Variants in FYN observed in about 807,000 individuals in gnomAD.
FYN encodes the protein tyrosine-protein kinase Fyn.
FYN carries 10 observed loss-of-function variants against 70.2 expected under a neutral mutation model. The observed-to-expected ratio is 0.14, with a 90% confidence interval of 0.09 to 0.24. The LOEUF is 0.24. FYN is among the 10% of genes least tolerant of loss of function. FYN has a pLI of 1.00. For missense variants in FYN, 319 were observed against 673.1 expected (o/e 0.47, Z 5.82); for synonymous variants, 236 against 248.6 (o/e 0.95, Z 0.48).
chr6:111,786,579 C>T (rs1267247976), intron 2 of FYN, among the ~76,000 whole-genome samples: 2 of 152,174 alleles, frequency 1.3e-5, no homozygotes, highest in East Asian at 3.9e-4. Context: ...AGTATATACC[C>T]AGTAATGGGA....
chr6:111,815,417 T>C (rs559291621), intron 2 of FYN, among the ~76,000 whole-genome samples: 48 of 152,116 alleles, frequency 3.2e-4, no homozygotes, highest in African/African-American at 1.2e-3. Flanking sequence ...TCAATTATAC[T>C]TAATTTTCAT....
intron 3 of FYN, among the ~76,000 whole-genome samples, chr6:111,755,337 C>T (rs1283711705): frequency 1.3e-5 from 2 of 151,988 alleles, no homozygotes; most frequent in Non-Finnish European, 2.9e-5. Context: ...CTGGATAATG[C>T]CAATGGAAAG....
At chr6:111,852,816 A>T (rs946156973) in intron 1 of FYN, among the ~76,000 whole-genome samples, 2 of 152,190 alleles carry the variant, frequency 1.3e-5, no homozygotes, top group Non-Finnish European at 2.9e-5. Context: ...TTTTTAGCCT[A>T]CTTCTATCAC....
chr6:111,732,477 G>A (rs1013744144), intron 3 of FYN, among the ~76,000 whole-genome samples: 15 of 152,184 alleles, frequency 9.9e-5, no homozygotes, highest in South Asian at 2.1e-4. Flanking sequence ...GAAAGTAAGC[G>A]AGCGGTGGAG....
chr6:111,731,849 G>GC (rs1436834718), intron 3 of FYN, among the ~76,000 whole-genome samples: 1 of 152,194 alleles, frequency 6.6e-6, no homozygotes, highest in African/African-American at 2.4e-5. Context: ...CTCACCCTGG[G>GC]TGAGCCCAGG....
intron 1 of FYN, among the ~76,000 whole-genome samples, chr6:111,854,058 C>T (rs1363499181): frequency 6.6e-6 from 1 of 152,170 alleles, no homozygotes; most frequent in Non-Finnish European, 1.5e-5. Flanking sequence ...GTTGTCGCAG[C>T]AGACAGTCAG....
chr6:111,797,283 T>A (rs1771835795), intron 2 of FYN, among the ~76,000 whole-genome samples: 1 of 152,142 alleles, frequency 6.6e-6, no homozygotes, highest in South Asian at 2.1e-4. Flanking sequence ...GACAAAAAAT[T>A]AGGCTGAGTG....
chr6:111,739,722 T>G (rs1057233875), intron 3 of FYN, among the ~76,000 whole-genome samples: 1 of 152,218 alleles, frequency 6.6e-6, no homozygotes, highest in Non-Finnish European at 1.5e-5. Flanking sequence ...GGTTTCTATT[T>G]TGAGTAGGTG....
chr6:111,697,200 C>T (rs915713016), intron 9 of FYN, among the ~76,000 whole-genome samples: 2 of 152,144 alleles, frequency 1.3e-5, no homozygotes, highest in African/African-American at 4.8e-5. Flanking sequence ...AATCTGAAGG[C>T]AAGGCCTGGA....
intron 2 of FYN, among the ~76,000 whole-genome samples, chr6:111,842,164 A>G (rs1213221766): frequency 1.3e-5 from 2 of 152,194 alleles, no homozygotes. Flanking sequence ...CCTGATCACC[A>G]GCAGAATGGG....
At chr6:111,776,404 T>C (rs1770941277) in intron 3 of FYN, among the ~76,000 whole-genome samples, 2 of 152,324 alleles carry the variant, frequency 1.3e-5, no homozygotes, top group South Asian at 4.1e-4. Context: ...TCAGTGTTGC[T>C]GAATGCCTCC....
At chr6:111,742,468 T>C (rs189488020) in intron 3 of FYN, among the ~76,000 whole-genome samples, 45 of 152,318 alleles carry the variant, frequency 3.0e-4, no homozygotes, top group Admixed American at 2.2e-3. Context: ...GTTTATTCAT[T>C]AACATGATAT....
chr6:111,823,661 ACTCGCAGG>A (rs1032700271), intron 2 of FYN, among the ~76,000 whole-genome samples: 1 of 152,036 alleles, frequency 6.6e-6, no homozygotes, highest in African/African-American at 2.4e-5. Context: ...GATTCTACAC[ACTCGCAGG>A]CTCTGCTAAT....
chr6:111,777,857 G>C (rs921375322), intron 3 of FYN, among the ~76,000 whole-genome samples: 1 of 152,184 alleles, frequency 6.6e-6, no homozygotes, highest in Non-Finnish European at 1.5e-5. Context: ...TCAGACTGAG[G>C]GTGCCAGGAC....
chr6:111,703,813 T>C (rs1799948640), intron 7 of FYN, among the ~76,000 whole-genome samples, 186 bp downstream of exon 7: 1 of 152,180 alleles, frequency 6.6e-6, no homozygotes, highest in African/African-American at 2.4e-5. Context: ...GGGGCCTCTG[T>C]AGTTCTTTTG....
At chr6:111,693,947 T>G (rs985466156) in intron 12 of FYN, among the ~76,000 whole-genome samples, 16 of 152,224 alleles carry the variant, frequency 1.1e-4, no homozygotes, top group African/African-American at 3.9e-4. Context: ...GCCTTAGTTC[T>G]GTTGCTGTTA....
At chr6:111,682,079 G>A (rs1014869862) in intron 12 of FYN, among the ~76,000 whole-genome samples, 1 of 152,166 alleles carries the variant, frequency 6.6e-6, no homozygotes, top group Non-Finnish European at 1.5e-5. Flanking sequence ...CTTGCCTAAG[G>A]CTGGTTAAAC....
chr6:111,826,118 G>C (rs1408703899), intron 2 of FYN, among the ~76,000 whole-genome samples: 2 of 152,146 alleles, frequency 1.3e-5, no homozygotes, highest in African/African-American at 4.8e-5. Context: ...GAGGAGTGAA[G>C]ACGCCAGAGG....
chr6:111,674,667 G>A, intron 12 of FYN, 37 bp from the exon 13 acceptor site: 3 of 1,605,172 alleles, frequency 1.9e-6, no homozygotes, highest in Non-Finnish European at 2.6e-6. Context: ...TCAGGCAGAG[G>A]GCACTGCAAT....
Sources: allele counts gnomAD v4.1 joint callset (sites outside exome capture counted in the v4.1 genomes callset), GRCh38; gene constraint gnomAD v4.1.1; transcripts MANE v1.5; gene names NCBI Gene and HGNC (gene_info 2026-07-23, HGNC 2026-07-21).